Variants in MLANA observed in about 807,000 individuals in gnomAD.
MLANA encodes the protein melan-A.
MLANA carries 21 observed loss-of-function variants against 15.7 expected under a neutral mutation model. The ratio of observed to expected loss-of-function variants is 1.33; its 90% CI spans 0.95 to 1.92. The LOEUF (loss-of-function observed/expected upper bound fraction) is 1.92, where lower values mean the gene tolerates loss of function less well. Ranked by LOEUF, MLANA falls within the 40% of genes most tolerant of loss-of-function variation. MLANA has a pLI of 0.00. For synonymous variants in MLANA, 56 were observed against 51.5 expected (o/e 1.09, Z -0.37); for missense variants, 164 against 143.8 (o/e 1.14, Z -0.72).
At chr9:5,897,119 G>T (rs1335887317) in intron 2 of MLANA, among the ~76,000 whole-genome samples, 1 of 152,224 alleles carries the variant, frequency 6.6e-6, no homozygotes, top group Non-Finnish European at 1.5e-5. Flanking sequence ...ATAAGCTAAT[G>T]AATGTTTAGC....
Position 5,904,214 on chromosome 9 carries a change from C to T in MLANA, c.175-2671C>T, listed in dbSNP as rs1225299758. ...GTGTCTTTATATTTAAAGAGGGTTT[C>T]TTGTAGAGAACACATAGTTGGGTCT... On this transcript the variant is annotated intron_variant, in intron 3 of 4. Coordinates refer to ENST00000381477, the MANE Select transcript of MLANA (RefSeq NM_005511.2). Among the ~76,000 whole-genome samples the T allele has an allele frequency of 3.3e-5, 5 of 152,182 alleles. No homozygotes were observed. In the South Asian group the frequency reaches 8.3e-4, roughly 25 times the overall value.
chr9:5,897,629 A>T lies in MLANA; in HGVS notation c.150A>T (p.Arg50Ser), dbSNP rs1399130940. Residue 50 changes from arginine to serine, a missense_variant, in exon 3 of 5, where the codon AGA becomes AGT. Transcript: ENST00000381477. Reference protein sequence around the residue: ...LLLIGCWYCRRRNGYRALMDK... With the variant: ...LLLIGCWYCRSRNGYRALMDK... ...TCATCGGCTGTTGGTATTGTAGAAG[A>T]CGAAATGGATACAGAGCCTTGATGG... is the stretch of plus-strand genomic sequence containing the variant. 6.2e-7 allele frequency: 1 copy of T among 1,614,090 alleles called. No individual in the cohort carries two copies. The highest frequency in any genetic ancestry group is 2.2e-5 in the East Asian group (1 of 44,888).
intron 2 of MLANA, among the ~76,000 whole-genome samples, chr9:5,896,789 G>C (rs1168180953): frequency 6.6e-6 from 1 of 152,204 alleles, no homozygotes; most frequent in Non-Finnish European, 1.5e-5. Context: ...ACTGAACACA[G>C]GGCCCAAGAG....
intron 3 of MLANA, among the ~76,000 whole-genome samples, chr9:5,900,185 T>C (rs536353009): frequency 1.1e-4 from 16 of 152,290 alleles, no homozygotes; most frequent in Middle Eastern, 3.4e-3. Context: ...ATTCATTTAA[T>C]TGAAAAATAA....
intron 3 of MLANA, among the ~76,000 whole-genome samples, chr9:5,905,813 T>C (rs1315679639): frequency 6.6e-6 from 1 of 152,206 alleles, no homozygotes. Flanking sequence ...AACCAAATCA[T>C]AACCCAACCA....
rs772419510 is a variant in MLANA at position 5,908,822 on chromosome 9, T to A, written c.*114T>A. 5.0e-5 allele frequency: 48 copies of A among 956,300 alleles called. No homozygotes were observed. The highest frequency in any genetic ancestry group is 7.4e-5 in the Non-Finnish European group (45 of 612,028). The allele number at this position is 956,300 out of a possible 1,614,324, so 59.2% of individuals were successfully genotyped here. Reference sequence around the variant, plus strand: ...AATGGTGTAGGAAAAATGCAAGCCATCTCTAATAATAAGTCAGTGTTAAAA... The same window carrying A: ...AATGGTGTAGGAAAAATGCAAGCCAACTCTAATAATAAGTCAGTGTTAAAA... On this transcript the variant is annotated 3_prime_UTR_variant, in exon 5 of 5. Transcript: ENST00000381477.
chr9:5,909,421 A>G lies in MLANA; in HGVS notation c.*713A>G. ...TTACAGGCGTGCGCCACTATGCCTG[A>G]CTAATTTTGTAGTTTTAGTAGAGAC... On this transcript the variant is annotated 3_prime_UTR_variant, in exon 5 of 5. Coordinates refer to ENST00000381477, the MANE Select transcript of MLANA (RefSeq NM_005511.2). 1 of 152,272 alleles carries G rather than the reference A, an allele frequency of 6.6e-6. No individual in the cohort carries two copies. Among genetic ancestry groups the G allele is most frequent in the East Asian group, 1.9e-4 (1 of 5,170 alleles). 9.4% of individuals were successfully genotyped at this position (152,272 alleles called of 1,614,324 possible). A position where few individuals can be genotyped will look rare whatever the true frequency, so the allele number is the denominator to read the frequency against.
chr9:5,893,312 G>A (rs1431409774), intron 2 of MLANA, among the ~76,000 whole-genome samples: 1 of 152,104 alleles, frequency 6.6e-6, no homozygotes, highest in Non-Finnish European at 1.5e-5. Context: ...GGCAGGGGAG[G>A]CCCCACCCTC....
intron 2 of MLANA, among the ~76,000 whole-genome samples, chr9:5,896,442 G>T (rs1832029350): frequency 6.6e-6 from 1 of 152,198 alleles, no homozygotes; most frequent in Non-Finnish European, 1.5e-5. Context: ...GCTCTATCCT[G>T]TTTGGAGACG....
intron 3 of MLANA, among the ~76,000 whole-genome samples, chr9:5,902,092 C>G (rs1252038947): frequency 6.6e-6 from 1 of 152,168 alleles, no homozygotes; most frequent in Non-Finnish European, 1.5e-5. Context: ...GGTATAATAT[C>G]TTTCTTAAAT....
In MLANA at chr9:5,899,655, T is replaced by C. The variant is rs116123194; in HGVS notation, c.174+2002T>C. On this transcript the variant is annotated intron_variant, in intron 3 of 4. Transcript: ENST00000381477. ...TAGGGGAGGACTTTAATCTCTGCCATAGAACTCCATTTGTAACTCTAGCAT... is the reference window on the plus strand; with the variant it reads ...TAGGGGAGGACTTTAATCTCTGCCACAGAACTCCATTTGTAACTCTAGCAT... Among the ~76,000 whole-genome samples the C allele has an allele frequency of 6.5e-3, 991 of 152,320 alleles. 11 individuals are homozygous for C. Among genetic ancestry groups the C allele is most frequent in the African/African-American group, 0.023 (951 of 41,560 alleles).
intron 2 of MLANA, 89 bp from the exon 3 acceptor site, chr9:5,897,468 C>A: frequency 8.1e-7 from 1 of 1,235,788 alleles, no homozygotes; most frequent in Non-Finnish European, 1.2e-6. Context: ...TCGTCAAAGT[C>A]CATATGAAGA....
intron 2 of MLANA, among the ~76,000 whole-genome samples, chr9:5,896,117 T>C (rs1016930479): frequency 2.6e-5 from 4 of 152,226 alleles, no homozygotes; most frequent in Non-Finnish European, 5.9e-5. Flanking sequence ...TTGCTTGGTC[T>C]CCCGTTCCAG....
intron 2 of MLANA, among the ~76,000 whole-genome samples, chr9:5,893,641 G>C (rs1000116506): frequency 6.6e-6 from 1 of 152,048 alleles, no homozygotes; most frequent in African/African-American, 2.4e-5. Flanking sequence ...TATTAGTTAG[G>C]GTATCGTTTC....
At chr9:5,906,801 T>G in intron 3 of MLANA, 84 bp from the exon 4 acceptor site, 5 of 831,906 alleles carry the variant, frequency 6.0e-6, no homozygotes, top group South Asian at 2.0e-5. Context: ...AAACTCATTC[T>G]TAAAACTTTG....
intron 3 of MLANA, among the ~76,000 whole-genome samples, chr9:5,906,186 T>TAAA (rs34203799): frequency 1.4e-5 from 2 of 140,484 alleles, no homozygotes; most frequent in Non-Finnish European, 1.6e-5. Context: ...TCATGTCTCT[T>TAAA]AAAAAAAAAA....
chr9:5,906,632 T>G (rs533772937), intron 3 of MLANA, among the ~76,000 whole-genome samples: 5 of 152,254 alleles, frequency 3.3e-5, no homozygotes, highest in Admixed American at 6.5e-5. Flanking sequence ...GACCAACTAT[T>G]GGGTCCCAGG....
At chr9:5,895,500 G>C (rs1404117264) in intron 2 of MLANA, among the ~76,000 whole-genome samples, 4 of 152,066 alleles carry the variant, frequency 2.6e-5, no homozygotes, top group African/African-American at 7.2e-5. Context: ...AATTGTGCCA[G>C]CAGGTGGAAT....
chr9:5,897,653 G>T lies in MLANA; in HGVS notation c.174G>T (p.Met58Ile). The T allele has an allele frequency of 2.5e-6, 4 of 1,613,174 alleles. No homozygotes were observed. Among genetic ancestry groups the T allele is most frequent in the Non-Finnish European group, 3.4e-6 (4 of 1,179,130 alleles). Residue 58 changes from methionine to isoleucine, a missense_variant and splice_region_variant, in exon 3 of 5, where the codon ATG (methionine) becomes ATT (isoleucine). Physicochemically the swap from Met to Ile is conservative, Grantham distance 10 (BLOSUM62 1). Coordinates refer to ENST00000381477, the MANE Select transcript of MLANA (RefSeq NM_005511.2). ...CRRRNGYRAL[M>I]DKSLHVGTQC... ...GACGAAATGGATACAGAGCCTTGAT[G>T]GTTGGTAAAGTTCCCACTGCTGAAA...
Sources: allele counts gnomAD v4.1 joint callset (sites outside exome capture counted in the v4.1 genomes callset), GRCh38; gene constraint gnomAD v4.1.1; transcripts MANE v1.5; gene names NCBI Gene and HGNC (gene_info 2026-07-23, HGNC 2026-07-21).